The following BABAM1 variants were observed in gnomAD, a reference collection of about 807,000 sequenced individuals.
BABAM1 encodes the protein BRISC and BRCA1 A complex member 1.
In BABAM1, 14 loss-of-function variants were observed where a neutral mutation model predicts 34.4. The ratio of observed to expected loss-of-function variants is 0.41; its 90% CI spans 0.27 to 0.64. BABAM1 has a LOEUF of 0.64. Ranked by LOEUF, BABAM1 falls within the 30% of genes least tolerant of loss-of-function variation. The pLI, the probability that BABAM1 is intolerant of heterozygous loss-of-function variation, is 0.34. For synonymous variants in BABAM1, 169 were observed against 165.8 expected (o/e 1.02, Z -0.15); for missense variants, 393 against 434.0 (o/e 0.91, Z 0.84).
intron 3 of BABAM1, among the ~76,000 whole-genome samples, chr19:17,273,545 GT>G (rs1186960091): frequency 8.5e-5 from 3 of 35,140 alleles, no homozygotes; most frequent in Non-Finnish European, 2.5e-4. Context: ...GCTGAAGGAA[GT>G]TTTTTTTTGT....
rs1479371967 is a variant in BABAM1, at chr19:17,274,249, C to G, written c.544+64C>G. The G allele has an allele frequency of 1.9e-6, 3 of 1,580,076 alleles. No homozygotes were observed. The African/African-American group carries it at 4.0e-5, about 21-fold the overall frequency. On this transcript the variant is annotated intron_variant, in intron 5 of 8. Coordinates refer to ENST00000598188, the MANE Select transcript of BABAM1 (RefSeq NM_014173.4). ...GTCTCCTTCTGTCATCCTTGGGGCC[C>G]AGGAAAGTCTAAGTCATGACTCTGG...
At chr19:17,271,916 T>A (rs1421380011) in intron 3 of BABAM1, among the ~76,000 whole-genome samples, 1 of 151,954 alleles carries the variant, frequency 6.6e-6, no homozygotes, top group African/African-American at 2.4e-5. Context: ...AAAAATAAAA[T>A]ATATATATGT....
Position 17,276,480 on chromosome 19 carries a change from C to T in BABAM1, c.570-15C>T, listed in dbSNP as rs558669016. ...CACAGGCTGCTCTGACTGCTCCCTCCTCCCGGGTATGCAGCCAGCAGAAAA... is the reference window on the plus strand; with the variant it reads ...CACAGGCTGCTCTGACTGCTCCCTCTTCCCGGGTATGCAGCCAGCAGAAAA... On this transcript the variant is annotated splice_polypyrimidine_tract_variant and intron_variant, in intron 6 of 8. Coordinates refer to ENST00000598188, the MANE Select transcript of BABAM1 (RefSeq NM_014173.4). 9.5e-6 allele frequency: 15 copies of T among 1,585,938 alleles called. No homozygotes were observed. In the East Asian group the frequency reaches 2.6e-4, roughly 27 times the overall value.
At chr19:17,277,084 T>G (rs115593116) in intron 8 of BABAM1, 175 bp downstream of exon 8, 22 of 623,890 alleles carry the variant, frequency 3.5e-5, no homozygotes, top group African/African-American at 3.5e-4. Context: ...CTGTGACTGA[T>G]GGGGTGGCAG....
intron 5 of BABAM1, chr19:17,274,562 C>G (rs542266879): frequency 0.013 from 2,154 of 162,098 alleles, 11 homozygotes; most frequent in African/African-American, 0.028. Flanking sequence ...AGTGAGACTC[C>G]GTCTTTTTTA....
intron 8 of BABAM1, 117 bp downstream of exon 8, chr19:17,277,026 G>C: frequency 9.9e-7 from 1 of 1,007,074 alleles, no homozygotes; most frequent in Non-Finnish European, 1.4e-6. Flanking sequence ...ACCCTGGTTG[G>C]GGTAGGTCAT....
At chr19:17,269,652 T>A (rs996937622) in intron 2 of BABAM1, among the ~76,000 whole-genome samples, 2 of 152,078 alleles carry the variant, frequency 1.3e-5, no homozygotes, top group African/African-American at 4.8e-5. Context: ...TGCCTGACCC[T>A]TTCTTGCCTT....
Position 17,271,662 on chromosome 19 carries a change from G to A in BABAM1, c.344+7G>A. ...AGCTGGAGTCGTTCAACGGGTAAGA[G>A]GGACATTTTAGGGCTTGAACATGCA... is the stretch of plus-strand genomic sequence containing the variant. On this transcript the variant is annotated splice_region_variant and intron_variant, in intron 3 of 8. Transcript: ENST00000598188. 1 of 1,613,490 alleles carries A rather than the reference G, an allele frequency of 6.2e-7. No homozygotes were observed. Among genetic ancestry groups the A allele is most frequent in the East Asian group, 2.2e-5 (1 of 44,870 alleles).
At chr19:17,269,944 GAGA>G (rs2073819401) in intron 2 of BABAM1, among the ~76,000 whole-genome samples, 1 of 101,540 alleles carries the variant, frequency 9.8e-6, no homozygotes, top group Admixed American at 1.0e-4. Context: ...TTTTTTTTTT[GAGA>G]AGGAGTCTCA....
At position 17,268,775 on chromosome 19, in the gene BABAM1, C is replaced by T. The variant is rs1469851265; in HGVS notation, c.-13-19C>T. ...TCCAAGGGGAGGATTCTGGCTTCCC[C>T]TGTCCGTGTTCCATCTAGCCACACA... On this transcript the variant is annotated intron_variant, in intron 1 of 8. Transcript: ENST00000598188. 2 of 1,559,988 alleles carry T rather than the reference C, an allele frequency of 1.3e-6. No individual in the cohort carries two copies. Among genetic ancestry groups the T allele is most frequent in the Non-Finnish European group, 1.7e-6 (2 of 1,152,228 alleles).
intron 8 of BABAM1, 130 bp downstream of exon 8, chr19:17,277,039 C>T: frequency 3.6e-6 from 3 of 832,602 alleles, no homozygotes; most frequent in South Asian, 3.5e-5. Context: ...TAGGTCATGG[C>T]ATTGGTCATT....
intron 6 of BABAM1, chr19:17,276,281 G>A: frequency 3.1e-6 from 2 of 648,050 alleles, no homozygotes; most frequent in Non-Finnish European, 5.2e-6. Context: ...GTTGCAGTGA[G>A]CCGAGATCTC....
In BABAM1 at chr19:17,273,994, A is replaced by G. The variant is rs2145619235; in HGVS notation, c.435A>G (p.Ala145=). 2 of 1,613,924 alleles carry G rather than the reference A, an allele frequency of 1.2e-6. No homozygotes were observed. Residue 145 remains alanine (A), a synonymous_variant, in exon 4 of 9, where the codon GCA becomes GCG. Coordinates refer to ENST00000598188, the MANE Select transcript of BABAM1 (RefSeq NM_014173.4). Reference sequence around the variant, plus strand: ...AGATCGACAAAAGCCACGAGTTTGCACTGGTGGTGGTGAACGATGACACGG... The same window carrying G: ...AGATCGACAAAAGCCACGAGTTTGCGCTGGTGGTGGTGAACGATGACACGG... ...KHKIDKSHEF[A]LVVVNDDTAW...
chr19:17,274,283 G>A lies in BABAM1; in HGVS notation c.544+98G>A, dbSNP rs977715454. On this transcript the variant is annotated intron_variant, in intron 5 of 8. Transcript: ENST00000598188. ...CTAAGTCATGACTCTGGCTGGCTGA[G>A]GTTCAGATCTCAGATCTGCCAAGGC... is the stretch of plus-strand genomic sequence containing the variant. 12 of 1,457,236 alleles carry A rather than the reference G, an allele frequency of 8.2e-6. No individual in the cohort carries two copies. The African/African-American group carries it at 1.7e-4, about 20-fold the overall frequency. The allele number at this position is 1,457,236 out of a possible 1,614,324, so 90.3% of individuals were successfully genotyped here. A position where few individuals can be genotyped will look rare whatever the true frequency, so the allele number is the denominator to read the frequency against.
chr19:17,276,857 T>C lies in BABAM1; in HGVS notation c.734T>C (p.Val245Ala). The C allele has an allele frequency of 6.2e-7, 1 of 1,605,602 alleles. No individual in the cohort carries two copies. The change falls in exon 8 of 9, where the codon GTT (valine) becomes GCT (alanine). Residue 245 changes from valine to alanine, a missense_variant. By Grantham distance (64) the Val-to-Ala change is moderately conservative. Transcript: ENST00000598188. ...MFQCPYFFFD[V>A]VYIHNGTEEK... is the part of the protein sequence containing the mutation. ...CAGTGCCCATATTTCTTCTTTGACG[T>C]TGTTTACATCCACAATGGCACTGAG...
At chr19:17,268,300 C>G (rs900219796) in intron 1 of BABAM1, among the ~76,000 whole-genome samples, 5 of 151,662 alleles carry the variant, frequency 3.3e-5, no homozygotes, top group African/African-American at 7.3e-5. Context: ...TATCTTATGT[C>G]GGAGTGGCTG....
At chr19:17,275,962 C>A in intron 6 of BABAM1, 137 bp downstream of exon 6, 1 of 965,392 alleles carries the variant, frequency 1.0e-6, no homozygotes, top group Non-Finnish European at 1.6e-6. Flanking sequence ...AGCAATTCCT[C>A]ATTTATGTGT....
At chr19:17,275,489 C>T (rs920475093) in intron 5 of BABAM1, among the ~76,000 whole-genome samples, 6 of 152,020 alleles carry the variant, frequency 3.9e-5, no homozygotes, top group East Asian at 1.9e-4. Context: ...AGGGTTTCAC[C>T]GTGTTGGCCA....
rs564458882 is a variant in BABAM1 at position 17,277,058 on chromosome 19, G to A, written c.786+149G>A. On this transcript the variant is annotated intron_variant, in intron 8 of 8. Coordinates refer to ENST00000598188, the MANE Select transcript of BABAM1 (RefSeq NM_014173.4). Reference sequence around the variant, plus strand: ...TCATGGCATTGGTCATTGAACAGCCGTTTCCCAGTTGTCTGCTGTGACTGA... The same window carrying A: ...TCATGGCATTGGTCATTGAACAGCCATTTCCCAGTTGTCTGCTGTGACTGA... The A allele has an allele frequency of 2.9e-4, 210 of 720,550 alleles. 1 individual carries two copies. In the South Asian group the frequency reaches 3.7e-3, roughly 13 times the overall value. The allele number at this position is 720,550 out of a possible 1,614,324, so 44.6% of individuals were successfully genotyped here. A position where few individuals can be genotyped will look rare whatever the true frequency, so the allele number is the denominator to read the frequency against.
Sources: allele counts gnomAD v4.1 joint callset (sites outside exome capture counted in the v4.1 genomes callset), GRCh38; gene constraint gnomAD v4.1.1; transcripts MANE v1.5; gene names NCBI Gene and HGNC (gene_info 2026-07-23, HGNC 2026-07-21).